SLC7A1: variants seen among roughly 807,000 people sequenced by gnomAD.
SLC7A1 encodes the protein solute carrier family 7 member 1.
In SLC7A1, 10 loss-of-function variants were observed where a neutral mutation model predicts 53.9. The observed-to-expected ratio is 0.19, with a 90% confidence interval of 0.11 to 0.31. The LOEUF is 0.31. Ranked by LOEUF, SLC7A1 falls within the 10% of genes least tolerant of loss-of-function variation. The probability of loss-of-function intolerance (pLI) is 1.00; values close to 1 mark genes in which losing one functional copy is unlikely to be tolerated. For synonymous variants in SLC7A1, 342 were observed against 338.7 expected, an observed-to-expected ratio of 1.01 and a Z score of -0.11; for missense variants, 525 against 827.2, an observed-to-expected ratio of 0.63 and a Z score of 4.48.
chr13:29,577,544 G>C (rs1871460155), intron 1 of SLC7A1, among the ~76,000 whole-genome samples: 1 of 152,200 alleles, frequency 6.6e-6, no homozygotes, highest in Non-Finnish European at 1.5e-5. Context: ...ACACTGGAGA[G>C]AACAGGGAAA....
chr13:29,577,760 G>A (rs1356798992), intron 1 of SLC7A1, among the ~76,000 whole-genome samples: 6 of 152,194 alleles, frequency 3.9e-5, no homozygotes, highest in Admixed American at 1.3e-4. Context: ...GTCTCTGGCC[G>A]AGTGTCCTGT....
Position 29,552,242 on chromosome 13 carries a change from CACACACACACACAG to C in SLC7A1, c.-15+1505_-15+1518del, listed in dbSNP as rs1281735543. On this transcript the variant is annotated intron_variant, in intron 2 of 12. Transcript: ENST00000380752. ...GTCATTACACACACACACACACACACACACACACACACAGACACACACACACACTTTCCCTCAAC... is the reference window on the plus strand; with the variant it reads ...GTCATTACACACACACACACACACACACACACACACACACTTTCCCTCAAC... 4.6e-5 allele frequency among the ~76,000 whole-genome samples: 7 copies of C among 151,592 alleles called. No homozygotes were observed. The East Asian group carries it at 1.4e-3, about 29-fold the overall frequency.
intron 12 of SLC7A1, 101 bp downstream of exon 12, chr13:29,516,037 G>A (rs1323355656): frequency 3.6e-5 from 24 of 665,966 alleles, no homozygotes; most frequent in Non-Finnish European, 5.5e-5. Context: ...CTTCGAGAAA[G>A]CTGCTGACTG....
Position 29,517,636 on chromosome 13 carries a change from G to C in SLC7A1, c.1447C>G (p.Pro483Ala). ...EMFSLKTILSPKNMEPSKISG... is the reference protein window; with the variant it reads ...EMFSLKTILSAKNMEPSKISG... The stretch of plus-strand genomic sequence containing the variant: ...ATTTTGGAAGGCTCCATGTTTTTGG[G>C]TGAGAGTATGGTTTTCAAAGAGAAC... The change falls in exon 10 of 13, where the codon CCC becomes GCC. Residue 483 changes from proline to alanine, a missense_variant. Pro to Ala is a conservative substitution (Grantham distance 27). Transcript: ENST00000380752. 1 of 1,614,198 alleles carries C rather than the reference G, an allele frequency of 6.2e-7. No homozygotes were observed. Among genetic ancestry groups the C allele is most frequent in the South Asian group, 1.1e-5 (1 of 91,080 alleles).
At chr13:29,552,877 G>A (rs1261097122) in intron 2 of SLC7A1, among the ~76,000 whole-genome samples, 4 of 152,096 alleles carry the variant, frequency 2.6e-5, no homozygotes, top group African/African-American at 7.2e-5. Flanking sequence ...CTCTAGCGCC[G>A]CTGGGTTAGG....
At chr13:29,544,145 G>T (rs1429594247) in intron 2 of SLC7A1, among the ~76,000 whole-genome samples, 1 of 152,202 alleles carries the variant, frequency 6.6e-6, no homozygotes, top group Non-Finnish European at 1.5e-5. Context: ...TCTCAGGAAG[G>T]AACCCAGTGC....
intron 7 of SLC7A1, 84 bp from the exon 8 acceptor site, chr13:29,522,540 CGGA>C: frequency 6.7e-7 from 1 of 1,492,752 alleles, no homozygotes; most frequent in Non-Finnish European, 9.3e-7. Flanking sequence ...CGGTTTACCA[CGGA>C]GGAGAGGGAG....
chr13:29,586,436 A>C (rs1209328496), intron 1 of SLC7A1, among the ~76,000 whole-genome samples: 3 of 152,258 alleles, frequency 2.0e-5, no homozygotes, highest in Non-Finnish European at 4.4e-5. Context: ...CTTTCTGTGC[A>C]AATACATATA....
At chr13:29,524,972 G>A (rs909393195) in intron 5 of SLC7A1, among the ~76,000 whole-genome samples, 13 of 152,154 alleles carry the variant, frequency 8.5e-5, no homozygotes, top group African/African-American at 2.9e-4. Context: ...GCCGAGACAC[G>A]GTGCCCAGGT....
chr13:29,582,782 G>A (rs1003519787), intron 1 of SLC7A1, among the ~76,000 whole-genome samples: 16 of 152,164 alleles, frequency 1.1e-4, no homozygotes, highest in African/African-American at 3.9e-4. Flanking sequence ...TATGACCTTA[G>A]GATATGAAAG....
At position 29,517,159 on chromosome 13, in the gene SLC7A1, G is replaced by T; in HGVS notation, c.1662C>A (p.Thr554=). ...AGCTGCTCACCTTAAATGAGAGCTT[G>T]GTCTTGCTCTCGGGCTGCCTCCAGA... ...GVIWRQPESK[T]KLSFKVPFLP... The change falls in exon 11 of 13, where the codon ACC becomes ACA. Residue 554 remains threonine, a synonymous_variant. Coordinates refer to ENST00000380752, the MANE Select transcript of SLC7A1 (RefSeq NM_003045.5). The T allele has an allele frequency of 1.2e-6, 2 of 1,609,054 alleles. No individual in the cohort carries two copies. The highest frequency in any genetic ancestry group is 1.3e-5 in the African/African-American group (1 of 74,854).
intron 3 of SLC7A1, among the ~76,000 whole-genome samples, chr13:29,534,915 AC>A (rs1869338214): frequency 6.6e-6 from 1 of 152,236 alleles, no homozygotes; most frequent in African/African-American, 2.4e-5. Context: ...TAATCAAAAT[AC>A]AAAAAAGCAT....
chr13:29,532,971 C>T lies in SLC7A1; in HGVS notation c.382G>A (p.Val128Ile), dbSNP rs571643584. 24 of 1,612,248 alleles carry T rather than the reference C, an allele frequency of 1.5e-5. No individual in the cohort carries two copies. The highest frequency in any genetic ancestry group is 2.7e-5 in the African/African-American group (2 of 74,994). ...ILSYIIGTSS[V>I]ARAWSATFDE... ...AAGGTGGCGCTCCAGGCCCTCGCTA[C>T]GCTTGAAGTACCTGCCACAAAGCAC... The change falls in exon 4 of 13, where the codon GTA (valine) becomes ATA (isoleucine). Residue 128 changes from valine to isoleucine, a missense_variant. Physicochemically the swap from Val to Ile is conservative, Grantham distance 29 (BLOSUM62 3). This residue lies in a region of SLC7A1 where 354 missense variants were observed against 587.5 expected (regional missense o/e 0.60). Coordinates refer to ENST00000380752, the MANE Select transcript of SLC7A1 (RefSeq NM_003045.5).
At chr13:29,531,323 T>C (rs1869151671) in intron 4 of SLC7A1, among the ~76,000 whole-genome samples, 1 of 139,446 alleles carries the variant, frequency 7.2e-6, no homozygotes, top group African/African-American at 2.9e-5. Context: ...CACGTTTTTT[T>C]TTTAAAGAAA....
chr13:29,531,727 G>A (rs989301984), intron 4 of SLC7A1, among the ~76,000 whole-genome samples: 1 of 152,094 alleles, frequency 6.6e-6, no homozygotes, highest in African/African-American at 2.4e-5. Flanking sequence ...GCAGCTACTG[G>A]GGAGGCTGAG....
In SLC7A1 at chr13:29,523,483, C is replaced by T; in HGVS notation, c.832G>A (p.Glu278Lys). The T allele has an allele frequency of 6.2e-7, 1 of 1,612,874 alleles. No individual in the cohort carries two copies. Among genetic ancestry groups the T allele is most frequent in the Non-Finnish European group, 8.5e-7 (1 of 1,179,068 alleles). ...ATGGCCTTCTGTGGGTTCTTCACCT[C>T]TTCACCTAGAAGCACAAGGGGTCAG... is the stretch of plus-strand genomic sequence containing the variant. ...GFDCIATTGE[E>K]VKNPQKAIPV... is the part of the protein sequence containing the mutation. The change falls in exon 7 of 13, where the codon GAG becomes AAG. Residue 278 changes from glutamate (E) to lysine (K), a missense_variant. By Grantham distance (56) the Glu-to-Lys change is moderately conservative (BLOSUM62 1). Coordinates refer to ENST00000380752, the MANE Select transcript of SLC7A1 (RefSeq NM_003045.5).
At chr13:29,564,454 G>A (rs916932929) in intron 1 of SLC7A1, among the ~76,000 whole-genome samples, 1 of 152,232 alleles carries the variant, frequency 6.6e-6, no homozygotes. Context: ...TAGGTTCTAT[G>A]AAGCGGAATC....
rs1868522721 is a variant in SLC7A1 at position 29,519,512 on chromosome 13, C to G, written c.1227G>C (p.Val409=). Reference sequence around the variant, plus strand: ...GGAGAGTGCCAATGGACATGAGGTCCACCAAGTCCTTCAGGTCAAAGAGGA... The same window carrying G: ...GGAGAGTGCCAATGGACATGAGGTCGACCAAGTCCTTCAGGTCAAAGAGGA... ...MAFLFDLKDL[V]DLMSIGTLLA... Residue 409 remains valine (V), a synonymous_variant, in exon 9 of 13, where the codon GTG becomes GTC. Transcript: ENST00000380752. The G allele has an allele frequency of 1.2e-6, 2 of 1,613,500 alleles. No individual in the cohort carries two copies. Among genetic ancestry groups the G allele is most frequent in the Non-Finnish European group, 1.7e-6 (2 of 1,179,642 alleles).
At chr13:29,569,168 C>T (rs28420801) in intron 1 of SLC7A1, among the ~76,000 whole-genome samples, 2,684 of 152,242 alleles carry the variant, frequency 0.018, 65 homozygotes, top group African/African-American at 0.06. Context: ...TTCCCCACTA[C>T]GAGGCCCACC....
Sources: allele counts gnomAD v4.1 joint callset (sites outside exome capture counted in the v4.1 genomes callset), GRCh38; gene constraint gnomAD v4.1.1; regional missense constraint gnomAD v4.1.1; transcripts MANE v1.5; gene names NCBI Gene and HGNC (gene_info 2026-07-23, HGNC 2026-07-21).